Variants in CENPU observed in about 807,000 individuals in gnomAD.
CENPU encodes KSHV latent nuclear antigen interacting protein 1.
Under a neutral mutation model 56.7 loss-of-function variants are expected in CENPU, and 46 were observed. The ratio of observed to expected loss-of-function variants is 0.81; its 90% CI spans 0.64 to 1.04. The LOEUF (loss-of-function observed/expected upper bound fraction) is 1.04, where lower values mean the gene tolerates loss of function less well. Ranked by LOEUF, CENPU falls within the 50% of genes least tolerant of loss-of-function variation. The pLI is 0.00. For missense variants in CENPU, 510 were observed against 490.1 expected (o/e 1.04, Z -0.38); for synonymous variants, 166 against 163.0 (o/e 1.02, Z -0.14).
chr4:184,695,754 T>C (rs941678539), intron 12 of CENPU, among the ~76,000 whole-genome samples: 1 of 152,110 alleles, frequency 6.6e-6, no homozygotes, highest in African/African-American at 2.4e-5. Context: ...AGAATCTGCT[T>C]GATATCATGT....
intron 1 of CENPU, among the ~76,000 whole-genome samples, chr4:184,731,895 G>GTGTGTGTGTGTGTT (rs1761661425): frequency 6.6e-6 from 1 of 151,402 alleles, no homozygotes; most frequent in Admixed American, 6.6e-5. Context: ...GTGTGTGTGT[G>GTGTGTGTGTGTGTT]TGTGTGTGTG....
In CENPU at chr4:184,702,113, T is replaced by C; in HGVS notation, c.900A>G (p.Thr300=). The change falls in exon 10 of 13, where the codon ACA becomes ACG. Residue 300 remains threonine (T), a synonymous_variant. Coordinates refer to ENST00000281453, the MANE Select transcript of CENPU (RefSeq NM_024629.4). The part of the protein sequence containing the change: ...IKMLKESQML[T]NLKRKNAKMI... Reference sequence around the variant, plus strand: ...CCTTAGCATTCTTCCTTTTCAGATTTGTCAACATCTGGCTTTCTTTAAGCT... The same window carrying C: ...CCTTAGCATTCTTCCTTTTCAGATTCGTCAACATCTGGCTTTCTTTAAGCT... 1 of 1,608,148 alleles carries C rather than the reference T, an allele frequency of 6.2e-7. No individual in the cohort carries two copies. The highest frequency in any genetic ancestry group is 8.5e-7 in the Non-Finnish European group (1 of 1,175,434).
At chr4:184,723,033 G>C (rs968991811) in intron 4 of CENPU, among the ~76,000 whole-genome samples, 2 of 152,140 alleles carry the variant, frequency 1.3e-5, no homozygotes, top group Non-Finnish European at 2.9e-5. Context: ...ATATCCTATA[G>C]ATACACAGGC....
Position 184,710,165 on chromosome 4 carries a change from A to T in CENPU, c.704T>A (p.Val235Glu). 1 of 1,604,068 alleles carries T rather than the reference A, an allele frequency of 6.2e-7. No individual in the cohort carries two copies. Residue 235 changes from valine (V) to glutamate (E), a missense_variant, in exon 8 of 13, where the codon GTG (valine) becomes GAG (glutamate). By Grantham distance (121) the Val-to-Glu change is moderately radical. Transcript: ENST00000281453. Reference sequence around the variant, plus strand: ...CATTCCTTCTGGACACCAAATGTGCACAATGTCAGAAGTATCTAAAATATT... The same window carrying T: ...CATTCCTTCTGGACACCAAATGTGCTCAATGTCAGAAGTATCTAAAATATT... ...KAIGSDTSDI[V>E]HIWCPEGMKT... is the part of the protein sequence containing the mutation.
At chr4:184,729,913 G>C (rs922681408) in intron 2 of CENPU, among the ~76,000 whole-genome samples, 1 of 152,166 alleles carries the variant, frequency 6.6e-6, no homozygotes, top group Non-Finnish European at 1.5e-5. Context: ...ACAAAAATAA[G>C]AAAATTCTGG....
rs552051193 is a variant in CENPU, at chr4:184,717,485, C to T, written c.321-289G>A. ...CTCCAAGTTACCAGTCCCAGGAATA[C>T]GGGCCATCATTTGTACTAAAAGCTA... On this transcript the variant is annotated intron_variant, in intron 4 of 12. Coordinates refer to ENST00000281453, the MANE Select transcript of CENPU (RefSeq NM_024629.4). 5.3e-5 allele frequency among the ~76,000 whole-genome samples: 8 copies of T among 152,276 alleles called. No individual in the cohort carries two copies. In the East Asian group the frequency reaches 1.5e-3, roughly 29 times the overall value.
chr4:184,714,427 G>GT (rs1360633075), intron 6 of CENPU, among the ~76,000 whole-genome samples: 1 of 151,924 alleles, frequency 6.6e-6, no homozygotes, highest in African/African-American at 2.4e-5. Context: ...TGACAATACC[G>GT]TAAGGTTAGA....
chr4:184,707,148 T>A (rs747054721), intron 8 of CENPU, among the ~76,000 whole-genome samples: 12 of 151,180 alleles, frequency 7.9e-5, no homozygotes, highest in Non-Finnish European at 1.5e-4. Flanking sequence ...TGAGTTGGCA[T>A]GACAGGCTGG....
intron 8 of CENPU, among the ~76,000 whole-genome samples, chr4:184,708,389 G>A (rs955529955): frequency 9.3e-5 from 14 of 151,094 alleles, no homozygotes; most frequent in South Asian, 4.2e-4. Context: ...AAGGATAAGA[G>A]AACAAAAAAG....
intron 8 of CENPU, among the ~76,000 whole-genome samples, chr4:184,703,032 A>G (rs1267786612): frequency 6.6e-6 from 1 of 152,214 alleles, no homozygotes; most frequent in African/African-American, 2.4e-5. Context: ...CAATGAACAT[A>G]TGAGAGCACC....
intron 3 of CENPU, 71 bp downstream of exon 3, chr4:184,728,847 A>G (rs1461341741): frequency 1.8e-6 from 2 of 1,118,104 alleles, no homozygotes; most frequent in Non-Finnish European, 1.3e-6. Context: ...AGATACTTCT[A>G]TTTTTTATTA....
At chr4:184,727,506 A>T (rs545656141) in intron 3 of CENPU, among the ~76,000 whole-genome samples, 46 of 152,256 alleles carry the variant, frequency 3.0e-4, no homozygotes, top group African/African-American at 1.0e-3. Flanking sequence ...AGAATAAAAA[A>T]CTCAGTAAGT....
chr4:184,731,065 AAAAAAC>A, intron 1 of CENPU, 97 bp from the exon 2 acceptor site: 1 of 778,890 alleles, frequency 1.3e-6, no homozygotes, highest in Non-Finnish European at 1.9e-6. Flanking sequence ...TTACCAAAAA[AAAAAAC>A]AAGAACCCAT....
intron 11 of CENPU, among the ~76,000 whole-genome samples, chr4:184,699,171 C>CA (rs1034992003): frequency 2.2e-4 from 33 of 150,440 alleles, no homozygotes; most frequent in African/African-American, 5.1e-4. Flanking sequence ...ACTAAAAATA[C>CA]AAAAAAAAAT....
At chr4:184,700,641 T>G (rs1486902918) in intron 11 of CENPU, among the ~76,000 whole-genome samples, 179 bp downstream of exon 11, 1 of 152,202 alleles carries the variant, frequency 6.6e-6, no homozygotes. Context: ...CAGTGTGGAA[T>G]TCTCCTTTGT....
At chr4:184,718,617 G>A (rs560535861) in intron 4 of CENPU, among the ~76,000 whole-genome samples, 12 of 152,340 alleles carry the variant, frequency 7.9e-5, no homozygotes, top group African/African-American at 2.9e-4. Flanking sequence ...CAGGAACGCT[G>A]GTGAGAGTGA....
chr4:184,729,426 C>A (rs1761563401), intron 2 of CENPU, among the ~76,000 whole-genome samples: 1 of 152,212 alleles, frequency 6.6e-6, no homozygotes, highest in South Asian at 2.1e-4. Context: ...GCCACTGTCA[C>A]ATGAATGCAG....
intron 3 of CENPU, among the ~76,000 whole-genome samples, chr4:184,725,947 G>A (rs1423992150): frequency 6.6e-6 from 1 of 152,158 alleles, no homozygotes; most frequent in Admixed American, 6.5e-5. Context: ...TAGAGAGCTT[G>A]GAGAAGAAGA....
At chr4:184,706,100 TTA>T (rs1760718520) in intron 8 of CENPU, among the ~76,000 whole-genome samples, 1 of 152,196 alleles carries the variant, frequency 6.6e-6, no homozygotes, top group Non-Finnish European at 1.5e-5. Context: ...ATGGCAAATT[TTA>T]TGTTATGTGT....
Sources: gnomAD v4.1 joint callset for allele counts (sites outside exome capture counted in the v4.1 genomes callset) on GRCh38, gnomAD v4.1.1 for gene constraint, MANE v1.5 for transcripts, NCBI Gene and HGNC (gene_info 2026-07-23, HGNC 2026-07-21) for gene names.